PUF60: variants seen among roughly 807,000 people sequenced by gnomAD.
PUF60 encodes the protein poly(U) binding splicing factor 60.
A neutral mutation model predicts 61.8 loss-of-function variants in PUF60; 10 were observed. The ratio of observed to expected loss-of-function variants is 0.16; its 90% CI spans 0.10 to 0.27. The LOEUF is 0.27. Among genes scored for constraint, PUF60 ranks in the 10% least tolerant of loss-of-function variants. The pLI is 1.00. For synonymous variants in PUF60, 353 were observed against 300.9 expected (o/e 1.17, Z -1.79); for missense variants, 371 against 754.0 (o/e 0.49, Z 5.95).
intron 5 of PUF60, among the ~76,000 whole-genome samples, chr8:143,819,936 T>G (rs1816821630): frequency 6.6e-6 from 1 of 152,102 alleles, no homozygotes; most frequent in African/African-American, 2.4e-5. Flanking sequence ...TGTTGCCCCA[T>G]GGGAGCCACA....
At position 143,818,562 on chromosome 8, in the gene PUF60, G is replaced by A. The variant is rs775405689; in HGVS notation, c.349-28C>T. Reference sequence around the variant, plus strand: ...GCAGCAGGACAGAGGGGAGAGAACCGCTGGCTCGTCAGGGGCGGCAGGAAG... The same window carrying A: ...GCAGCAGGACAGAGGGGAGAGAACCACTGGCTCGTCAGGGGCGGCAGGAAG... On this transcript the variant is annotated intron_variant, in intron 5 of 11. Coordinates refer to ENST00000526683, the MANE Select transcript of PUF60 (RefSeq NM_078480.3). The surrounding 1 kb of genome is among the most constrained non-coding windows in gnomAD (Gnocchi z 7.9). 1.6e-5 allele frequency: 25 copies of A among 1,547,610 alleles called. No individual in the cohort carries two copies. In the Admixed American group the frequency reaches 1.7e-4, roughly 11 times the overall value.
chr8:143,818,584 G>A lies in PUF60; in HGVS notation c.349-50C>T, dbSNP rs749999625. 8.6e-6 allele frequency: 13 copies of A among 1,511,146 alleles called. No individual in the cohort carries two copies. Among genetic ancestry groups the A allele is most frequent in the Non-Finnish European group, 1.2e-5 (13 of 1,126,734 alleles). The allele number at this position is 1,511,146 out of a possible 1,614,324, so 93.6% of individuals were successfully genotyped here. On this transcript the variant is annotated intron_variant, in intron 5 of 11. Transcript: ENST00000526683. The surrounding 1 kb of genome is among the most constrained non-coding windows in gnomAD (Gnocchi z 7.9). ...ACCGCTGGCTCGTCAGGGGCGGCAG[G>A]AAGCTGGGCAGCCCACTCCCCTCCT...
At position 143,821,918 on chromosome 8, in the gene PUF60, TA is replaced by T; in HGVS notation, c.112-6del. On this transcript the variant is annotated splice_polypyrimidine_tract_variant and splice_region_variant and intron_variant, in intron 2 of 11. Transcript: ENST00000526683. ...CATCTTGATGGAGTCTGTGCCCTGG[TA>T]AGGGAGCAGGGGAATCCATCAGCAG... 6.3e-7 allele frequency: 1 copy of T among 1,590,704 alleles called. No homozygotes were observed.
intron 1 of PUF60, among the ~76,000 whole-genome samples, chr8:143,828,484 C>A (rs1050703730): frequency 6.6e-6 from 1 of 152,246 alleles, no homozygotes; most frequent in African/African-American, 2.4e-5. Flanking sequence ...TCTCCCTCTA[C>A]GTTAATAACG....
Position 143,817,986 on chromosome 8 carries a change from G to A in PUF60, c.693C>T (p.Ala231=). 3 of 1,612,946 alleles carry A rather than the reference G, an allele frequency of 1.9e-6. No homozygotes were observed. The highest frequency in any genetic ancestry group is 1.1e-5 in the South Asian group (1 of 91,078). ...CGTCTGAGAGGTCCTGGTGCACAGA[G>A]GCCACGTAGATGCGGTTGAAGGCCC... ...EARAFNRIYV[A]SVHQDLSDDD... is the part of the protein sequence containing the mutation. Residue 231 remains alanine (A), a synonymous_variant, in exon 8 of 12, where the codon GCC becomes GCT. Coordinates refer to ENST00000526683, the MANE Select transcript of PUF60 (RefSeq NM_078480.3). The surrounding 1 kb of genome is among the most constrained non-coding windows in gnomAD (Gnocchi z 7.4).
intron 4 of PUF60, chr8:143,821,382 C>T (rs1817000042): frequency 1.5e-5 from 9 of 602,080 alleles, no homozygotes; most frequent in East Asian, 2.8e-5. Context: ...AAAGGGGCTG[C>T]GGCGCTTTAG....
Position 143,816,396 on chromosome 8 carries a change from G to C in PUF60, c.*124C>G. The C allele has an allele frequency of 8.9e-7, 1 of 1,118,612 alleles. No individual in the cohort carries two copies. The highest frequency in any genetic ancestry group is 1.6e-5 in the South Asian group (1 of 62,508). 69.3% of individuals were successfully genotyped at this position (1,118,612 alleles called of 1,614,324 possible). ...CGGACGTTCAGGGCCAGCAGCATCC[G>C]CACCTTTATCCGCACTGTAGGCTGG... is the stretch of plus-strand genomic sequence containing the variant. On this transcript the variant is annotated 3_prime_UTR_variant, in exon 12 of 12. Coordinates refer to ENST00000526683, the MANE Select transcript of PUF60 (RefSeq NM_078480.3).
chr8:143,824,005 G>A (rs374331883), intron 2 of PUF60, among the ~76,000 whole-genome samples: 19 of 152,260 alleles, frequency 1.2e-4, no homozygotes, highest in African/African-American at 4.1e-4. Context: ...GCCTAAGAAC[G>A]CGCGAGCTCC....
At chr8:143,819,351 C>T (rs1007104418) in intron 5 of PUF60, among the ~76,000 whole-genome samples, 6 of 152,132 alleles carry the variant, frequency 3.9e-5, no homozygotes, top group East Asian at 3.9e-4. Context: ...CCCTCAGGGA[C>T]GGGTTCTCGC....
chr8:143,820,987 T>G (rs1816947540), intron 4 of PUF60, among the ~76,000 whole-genome samples: 1 of 150,714 alleles, frequency 6.6e-6, no homozygotes, highest in Non-Finnish European at 1.5e-5. Context: ...GCACAGTGAA[T>G]GGCCAGGACA....
intron 2 of PUF60, chr8:143,822,454 C>T (rs758336420): frequency 7.5e-5 from 34 of 456,020 alleles, no homozygotes; most frequent in South Asian, 4.6e-4. Context: ...CAACAGTGCT[C>T]CCCCCACCGT....
chr8:143,828,801 G>A (rs1157487252), intron 1 of PUF60, among the ~76,000 whole-genome samples: 2 of 152,214 alleles, frequency 1.3e-5, no homozygotes, highest in African/African-American at 4.8e-5. Context: ...ATTCACAGCT[G>A]CAGGCGTAGT....
chr8:143,822,627 G>A (rs1034465067), intron 2 of PUF60: 4 of 454,944 alleles, frequency 8.8e-6, no homozygotes, highest in Admixed American at 7.1e-5. Context: ...AGCCAGGTGG[G>A]CCTGGGGACC....
In PUF60 at chr8:143,816,376, G is replaced by A. The variant is rs965783040; in HGVS notation, c.*144C>T. On this transcript the variant is annotated 3_prime_UTR_variant, in exon 12 of 12. Coordinates refer to ENST00000526683, the MANE Select transcript of PUF60 (RefSeq NM_078480.3). Reference sequence around the variant, plus strand: ...CAGGACCGACGGCAGACACACGGACGTTCAGGGCCAGCAGCATCCGCACCT... The same window carrying A: ...CAGGACCGACGGCAGACACACGGACATTCAGGGCCAGCAGCATCCGCACCT... The A allele has an allele frequency of 8.0e-5, 74 of 927,378 alleles. No homozygotes were observed. The highest frequency in any genetic ancestry group is 8.6e-5 in the Admixed American group (3 of 34,752). 57.4% of individuals were successfully genotyped at this position (927,378 alleles called of 1,614,324 possible).
At chr8:143,824,464 T>C in intron 1 of PUF60, 65 bp from the exon 2 acceptor site, 1 of 1,533,214 alleles carries the variant, frequency 6.5e-7, no homozygotes, top group Non-Finnish European at 8.9e-7. Context: ...CCTGCTCTCC[T>C]CCCGAGCTAA....
At chr8:143,827,720 A>G (rs1310302817) in intron 1 of PUF60, among the ~76,000 whole-genome samples, 1 of 152,236 alleles carries the variant, frequency 6.6e-6, no homozygotes, top group Non-Finnish European at 1.5e-5. Flanking sequence ...AAAAACACGT[A>G]TTAAACCCAA....
rs751319236 is a variant in PUF60 at position 143,817,494 on chromosome 8, G to A, written c.1009-28C>T. The stretch of plus-strand genomic sequence containing the variant: ...GCAACCCAAAAGGTCACCGTGCTCA[G>A]TCCCTGGTCTGGCTACTCAAGACCA... On this transcript the variant is annotated intron_variant, in intron 9 of 11. Transcript: ENST00000526683. The surrounding 1 kb of genome is among the most constrained non-coding windows in gnomAD (Gnocchi z 7.4). 6.8e-6 allele frequency: 11 copies of A among 1,609,674 alleles called. No homozygotes were observed. In the Admixed American group the frequency reaches 1.7e-4, roughly 25 times the overall value.
chr8:143,821,419 A>ATTTC (rs780525310), intron 4 of PUF60, 178 bp downstream of exon 4: 15 of 627,094 alleles, frequency 2.4e-5, no homozygotes, highest in Non-Finnish European at 3.4e-5. Flanking sequence ...CAGGTGGGAA[A>ATTTC]GGCTGGGCCA....
rs1563820619 is a variant in PUF60, at chr8:143,817,074, TG to T, written c.1215del (p.Ser406AlafsTer29). ...PSVGVVNPIL[A>X]SPPTLGLLEP... ...TCCAGGAGACCCAGCGTTGGAGGGC[TG>T]GCCAGGATGGGGTTCACCACTCCCA... On this transcript the variant is annotated frameshift_variant, in exon 11 of 12. Transcript: ENST00000526683. LOFTEE classifies it high-confidence loss of function. The surrounding 1 kb of genome is among the most constrained non-coding windows in gnomAD (Gnocchi z 7.4). 1 of 1,611,686 alleles carries T rather than the reference TG, an allele frequency of 6.2e-7. No homozygotes were observed. The highest frequency in any genetic ancestry group is 8.5e-7 in the Non-Finnish European group (1 of 1,179,336).
Sources: allele counts gnomAD v4.1 joint callset (sites outside exome capture counted in the v4.1 genomes callset), GRCh38; gene constraint gnomAD v4.1.1; non-coding constraint Gnocchi (gnomAD v3.1); transcripts MANE v1.5; gene names NCBI Gene and HGNC (gene_info 2026-07-23, HGNC 2026-07-21).